The following ADGRE1 variants were observed in gnomAD, a reference collection of about 807,000 sequenced individuals.
The protein encoded by ADGRE1 is adhesion G protein-coupled receptor E1.
In ADGRE1, 82 loss-of-function variants were observed where a neutral mutation model predicts 102.7. That is an observed-to-expected ratio of 0.80 (90% CI 0.67 to 0.96). The LOEUF (loss-of-function observed/expected upper bound fraction) is 0.96. Among genes scored for constraint, ADGRE1 ranks in the 40% least tolerant of loss-of-function variants. The pLI is 0.00. For missense variants in ADGRE1, 1,032 were observed against 1,085.3 expected (o/e 0.95, Z 0.69); for synonymous variants, 398 against 399.6 (o/e 1.00, Z 0.05).
At chr19:6,921,620 T>A in intron 13 of ADGRE1, 93 bp from the exon 14 acceptor site, 1 of 1,379,950 alleles carries the variant, frequency 7.2e-7, no homozygotes, top group East Asian at 2.5e-5. Context: ...TGTGTATTCT[T>A]GTTCCCAGTG....
intron 12 of ADGRE1, among the ~76,000 whole-genome samples, chr19:6,917,896 G>T (rs1974458970): frequency 6.6e-6 from 1 of 152,092 alleles, no homozygotes; most frequent in Non-Finnish European, 1.5e-5. Context: ...AAATCCTCTG[G>T]CTGTGATATG....
intron 16 of ADGRE1, among the ~76,000 whole-genome samples, chr19:6,927,167 T>G (rs924970895): frequency 1.3e-5 from 2 of 151,448 alleles, no homozygotes; most frequent in African/African-American, 4.9e-5. Flanking sequence ...AAGGAGCCAA[T>G]CCTTTCTTCC....
chr19:6,936,768 A>C (rs907939669), intron 18 of ADGRE1, among the ~76,000 whole-genome samples: 4 of 151,762 alleles, frequency 2.6e-5, no homozygotes, highest in African/African-American at 9.7e-5. Context: ...GATTACAGGC[A>C]TCTGCCACCG....
chr19:6,893,538 G>T (rs957505523), intron 2 of ADGRE1, among the ~76,000 whole-genome samples: 1 of 152,142 alleles, frequency 6.6e-6, no homozygotes, highest in Non-Finnish European at 1.5e-5. Context: ...ATATTCTATT[G>T]AGTACATATA....
At chr19:6,924,416 A>T (rs1599756399) in intron 14 of ADGRE1, among the ~76,000 whole-genome samples, 1 of 152,178 alleles carries the variant, frequency 6.6e-6, no homozygotes, top group African/African-American at 2.4e-5. Flanking sequence ...GTTCCAAAGG[A>T]TTCTGGGAGA....
chr19:6,890,607 C>A, intron 2 of ADGRE1, 64 bp downstream of exon 2: 2 of 1,547,380 alleles, frequency 1.3e-6, no homozygotes, highest in Non-Finnish European at 8.8e-7. Flanking sequence ...CCCGGGGAAA[C>A]ATCCCAGGAA....
At chr19:6,913,510 A>G in intron 10 of ADGRE1, 143 bp from the exon 11 acceptor site, 1 of 696,786 alleles carries the variant, frequency 1.4e-6, no homozygotes, top group Non-Finnish European at 2.1e-6. Flanking sequence ...GGCTTCTTGA[A>G]TCAGAAAAAG....
At chr19:6,938,264 G>C (rs1200716374) in intron 20 of ADGRE1, among the ~76,000 whole-genome samples, 1 of 152,086 alleles carries the variant, frequency 6.6e-6, no homozygotes, top group Admixed American at 6.6e-5. Context: ...TTGAACCCAA[G>C]AGGCGGAGGT....
intron 17 of ADGRE1, 34 bp downstream of exon 17, chr19:6,928,245 G>T: frequency 1.9e-6 from 3 of 1,614,108 alleles, no homozygotes; most frequent in Non-Finnish European, 2.5e-6. Context: ...GGCGAAGTGT[G>T]TTCTGAAGGA....
chr19:6,925,883 GA>G (rs1974885240), intron 15 of ADGRE1, among the ~76,000 whole-genome samples: 1 of 151,706 alleles, frequency 6.6e-6, no homozygotes, highest in Non-Finnish European at 1.5e-5. Context: ...TTTGTATAGA[GA>G]GGGGGGTTTC....
chr19:6,911,065 T>C (rs546240866), intron 10 of ADGRE1, among the ~76,000 whole-genome samples: 14 of 152,288 alleles, frequency 9.2e-5, no homozygotes, highest in African/African-American at 3.4e-4. Flanking sequence ...ATTTTGCCAG[T>C]TGTCGAACTG....
chr19:6,918,574 C>T (rs186356438), intron 12 of ADGRE1, among the ~76,000 whole-genome samples: 4 of 152,138 alleles, frequency 2.6e-5, no homozygotes, highest in African/African-American at 7.2e-5. Flanking sequence ...CCCTGGAGAC[C>T]GTCCATATTT....
At chr19:6,911,762 T>A (rs558356377) in intron 10 of ADGRE1, among the ~76,000 whole-genome samples, 13 of 144,292 alleles carry the variant, frequency 9.0e-5, no homozygotes, top group Non-Finnish European at 1.8e-4. Flanking sequence ...TGTACACACA[T>A]ACACACATAT....
intron 17 of ADGRE1, 84 bp downstream of exon 17, chr19:6,928,295 G>T (rs775889276): frequency 8.7e-6 from 14 of 1,609,806 alleles, no homozygotes; most frequent in Non-Finnish European, 1.0e-5. Flanking sequence ...TTCCAGGGAC[G>T]TGTGCAGCTG....
At chr19:6,902,574 GGGAT>G (rs1828500773) in intron 6 of ADGRE1, among the ~76,000 whole-genome samples, 1 of 151,854 alleles carries the variant, frequency 6.6e-6, no homozygotes, top group Non-Finnish European at 1.5e-5. Flanking sequence ...CCAAGTAGAT[GGGAT>G]TACAGGCATG....
chr19:6,916,334 C>A lies in ADGRE1; in HGVS notation c.1386C>A (p.Ile462=). 1.2e-6 allele frequency: 2 copies of A among 1,613,502 alleles called. No homozygotes were observed. Among genetic ancestry groups the A allele is most frequent in the Admixed American group, 3.3e-5 (2 of 59,950 alleles). ...DLVAKGDKMK[I]GCSTIEESES... ...TAGCCAAGGGGGATAAGATGAAGAT[C>A]GGGTGTTCCACAATTGAGGAATCTG... The change falls in exon 12 of 21, where the codon ATC becomes ATA. Residue 462 remains isoleucine, a synonymous_variant. Transcript: ENST00000312053.
chr19:6,905,131 C>A (rs1261546534), intron 8 of ADGRE1, among the ~76,000 whole-genome samples: 1 of 151,904 alleles, frequency 6.6e-6, no homozygotes, highest in Non-Finnish European at 1.5e-5. Context: ...TCACCTGAGG[C>A]CAGGAATTCA....
At chr19:6,936,530 T>G (rs545013413) in intron 18 of ADGRE1, among the ~76,000 whole-genome samples, 1 of 151,662 alleles carries the variant, frequency 6.6e-6, no homozygotes, top group Non-Finnish European at 1.5e-5. Context: ...TCAGATGAAA[T>G]TCACCATTTT....
In ADGRE1 at chr19:6,906,425, CT is replaced by C; in HGVS notation, c.950-6del. 6.2e-7 allele frequency: 1 copy of C among 1,603,802 alleles called. No individual in the cohort carries two copies. Among genetic ancestry groups the C allele is most frequent in the South Asian group, 1.1e-5 (1 of 89,326 alleles). On this transcript the variant is annotated splice_polypyrimidine_tract_variant and splice_region_variant and intron_variant, in intron 8 of 20. Transcript: ENST00000312053. ...AGTTTGGTTTGGTTGCTGTTGTTTT[CT>C]TCCTAGGGGTTCTCTTCAAATGTAA...
Sources: allele counts gnomAD v4.1 joint callset (sites outside exome capture counted in the v4.1 genomes callset), GRCh38; gene constraint gnomAD v4.1.1; transcripts MANE v1.5; gene names NCBI Gene and HGNC (gene_info 2026-07-23, HGNC 2026-07-21).